Variants in CA1 observed in about 807,000 individuals in gnomAD.
CA1 encodes the protein carbonic anhydrase 1.
CA1 carries 27 observed loss-of-function variants against 28.8 expected under a neutral mutation model. The observed-to-expected ratio is 0.94, with a 90% CI of 0.69 to 1.29. The LOEUF is 1.29. Among genes scored for constraint, CA1 ranks in the 50% most tolerant of loss-of-function variants. The probability of loss-of-function intolerance (pLI) is 0.00; values close to 1 mark genes in which losing one functional copy is unlikely to be tolerated. For missense variants in CA1, 335 were observed against 310.5 expected (o/e 1.08, Z -0.59); for synonymous variants, 121 against 108.8 (o/e 1.11, Z -0.70).
At chr8:85,336,467 T>A (rs1808658839) in intron 4 of CA1, among the ~76,000 whole-genome samples, 1 of 152,202 alleles carries the variant, frequency 6.6e-6, no homozygotes, top group Non-Finnish European at 1.5e-5. Context: ...CCAGGGAAGG[T>A]TAGACCCTCA....
intron 1 of CA1, among the ~76,000 whole-genome samples, chr8:85,350,724 T>C (rs998681842): frequency 2.6e-5 from 4 of 152,088 alleles, no homozygotes; most frequent in Non-Finnish European, 5.9e-5. Flanking sequence ...AATAACGCTT[T>C]TAAAATGGAG....
chr8:85,370,972 T>G (rs1178512305), intron 1 of CA1, among the ~76,000 whole-genome samples: 3 of 152,202 alleles, frequency 2.0e-5, no homozygotes, highest in Non-Finnish European at 4.4e-5. Context: ...TTCTATCACC[T>G]TTGGTTGTCT....
At chr8:85,334,877 C>G (rs773223701) in intron 4 of CA1, among the ~76,000 whole-genome samples, 3 of 152,074 alleles carry the variant, frequency 2.0e-5, no homozygotes, top group Non-Finnish European at 2.9e-5. Flanking sequence ...GTAATCCCAG[C>G]TACTCAGGAG....
intron 1 of CA1, chr8:85,342,708 T>C (rs1808977125): frequency 1.3e-5 from 2 of 152,218 alleles, no homozygotes; most frequent in African/African-American, 4.8e-5. Context: ...TTCAAAGCTC[T>C]AAACATGCTC....
Position 85,328,675 on chromosome 8 carries a change from A to G in CA1, c.671T>C (p.Leu224Pro). 1 of 1,573,138 alleles carries G rather than the reference A, an allele frequency of 6.4e-7. No individual in the cohort carries two copies. Among genetic ancestry groups the G allele is most frequent in the Non-Finnish European group, 8.7e-7 (1 of 1,144,790 alleles). ...KESISVSSEQLAQFRSLLSNV... is the reference protein window; with the variant it reads ...KESISVSSEQPAQFRSLLSNV... ...TGATAGAAGGCTGCGGAATTGTGCC[A>G]GCTAGAAGGATAAAATATTTTAAAA... The change falls in exon 8 of 8, where the codon CTG (leucine) becomes CCG (proline). Residue 224 changes from leucine to proline, a missense_variant and splice_region_variant. Leu to Pro is a moderately conservative substitution (Grantham distance 98). Coordinates refer to ENST00000523022, the MANE Select transcript of CA1 (RefSeq NM_001128831.4).
At chr8:85,341,788 C>CT (rs1808944860) in intron 1 of CA1, 129 bp from the exon 2 acceptor site, 1 of 632,166 alleles carries the variant, frequency 1.6e-6, no homozygotes, top group African/African-American at 1.8e-5. Flanking sequence ...ATCATCTCTG[C>CT]TTATCAGGAA....
At chr8:85,335,054 T>G (rs1808593199) in intron 4 of CA1, among the ~76,000 whole-genome samples, 1 of 152,094 alleles carries the variant, frequency 6.6e-6, no homozygotes, top group South Asian at 2.1e-4. Context: ...AGGTGTCCAG[T>G]GAATATTTGT....
chr8:85,367,723 G>A (rs913620089), intron 1 of CA1, among the ~76,000 whole-genome samples: 1 of 152,206 alleles, frequency 6.6e-6, no homozygotes, highest in African/African-American at 2.4e-5. Context: ...GAGAGCCACT[G>A]CTTTAGAAAT....
At chr8:85,377,898 G>A (rs1218970938) in intron 1 of CA1, 148 bp downstream of exon 1, 1 of 152,184 alleles carries the variant, frequency 6.6e-6, no homozygotes, top group Non-Finnish European at 1.5e-5. Flanking sequence ...AACTATAAAG[G>A]TTTTTTAAGC....
chr8:85,334,620 C>A (rs148059954), intron 4 of CA1, among the ~76,000 whole-genome samples: 5 of 150,914 alleles, frequency 3.3e-5, no homozygotes, highest in African/African-American at 1.2e-4. Context: ...TCCTCCCTCC[C>A]TTCCTTCCTT....
chr8:85,335,546 C>T (rs1181212452), intron 4 of CA1, among the ~76,000 whole-genome samples: 1 of 152,154 alleles, frequency 6.6e-6, no homozygotes, highest in East Asian at 1.9e-4. Flanking sequence ...AAGCAACAGG[C>T]TGCATTGCCT....
At chr8:85,344,284 ATATACAG>A (rs1809080045) in intron 1 of CA1, among the ~76,000 whole-genome samples, 2 of 23,066 alleles carry the variant, frequency 8.7e-5, no homozygotes, top group Non-Finnish European at 3.1e-4. Context: ...ATTATATATT[ATATACAG>A]TATATAATAT....
Position 85,345,599 on chromosome 8 carries a change from T to G in CA1, c.-24-3940A>C, listed in dbSNP as rs1239427903. ...TAGAGAGAATAATTAAATGGTCATT[T>G]TAAATTTAAACTATTGTATATTTTT... On this transcript the variant is annotated intron_variant, in intron 1 of 7. Coordinates refer to ENST00000523022, the MANE Select transcript of CA1 (RefSeq NM_001128831.4). 2.0e-5 allele frequency among the ~76,000 whole-genome samples: 3 copies of G among 152,210 alleles called. No homozygotes were observed. The East Asian group carries it at 5.8e-4, about 29-fold the overall frequency.
chr8:85,333,655 A>G (rs758980322), intron 4 of CA1, 35 bp from the exon 5 acceptor site: 1 of 1,303,138 alleles, frequency 7.7e-7, no homozygotes, highest in Non-Finnish European at 1.1e-6. Flanking sequence ...AATTATTTAT[A>G]CCAGTGTGAT....
chr8:85,375,568 A>G (rs181091858), intron 1 of CA1, among the ~76,000 whole-genome samples: 23 of 152,284 alleles, frequency 1.5e-4, no homozygotes, highest in East Asian at 3.9e-4. Flanking sequence ...AAATGTTGGC[A>G]TGATAGAAAC....
At chr8:85,347,837 C>G (rs1039658143) in intron 1 of CA1, among the ~76,000 whole-genome samples, 6 of 152,154 alleles carry the variant, frequency 3.9e-5, no homozygotes, top group Non-Finnish European at 8.8e-5. Context: ...GTTGATTTCA[C>G]TACAAATAGC....
intron 1 of CA1, among the ~76,000 whole-genome samples, chr8:85,364,639 A>G (rs1267078174): frequency 1.3e-5 from 2 of 152,230 alleles, no homozygotes; most frequent in African/African-American, 4.8e-5. Flanking sequence ...AGAATTTTTA[A>G]TCAGCTACAC....
At chr8:85,364,750 G>A (rs1809937810) in intron 1 of CA1, among the ~76,000 whole-genome samples, 1 of 152,214 alleles carries the variant, frequency 6.6e-6, no homozygotes, top group Non-Finnish European at 1.5e-5. Flanking sequence ...CTTTCCCTAA[G>A]ATATGACCTC....
At chr8:85,344,371 C>A (rs1182701719) in intron 1 of CA1, among the ~76,000 whole-genome samples, 5 of 141,690 alleles carry the variant, frequency 3.5e-5, no homozygotes, top group Non-Finnish European at 6.1e-5. Context: ...TAGATTATTA[C>A]ATTTATTTAT....
Sources: allele counts gnomAD v4.1 joint callset (sites outside exome capture counted in the v4.1 genomes callset), GRCh38; gene constraint gnomAD v4.1.1; transcripts MANE v1.5; gene names NCBI Gene and HGNC (gene_info 2026-07-23, HGNC 2026-07-21).